Variants in LITAF observed in about 807,000 individuals in gnomAD.
LITAF encodes the protein lipopolysaccharide induced TNF factor.
LITAF carries 9 observed loss-of-function variants against 14.5 expected under a neutral mutation model. That is an observed-to-expected ratio of 0.62 (90% CI 0.37 to 1.08). The LOEUF is 1.08. Ranked by LOEUF, LITAF falls within the 50% of genes least tolerant of loss-of-function variation. LITAF has a pLI of 0.01. For missense variants in LITAF, 206 were observed against 213.4 expected (o/e 0.97, Z 0.22); for synonymous variants, 98 against 88.2 (o/e 1.11, Z -0.62).
chr16:11,617,110 C>G (rs1848970530), intron 3 of LITAF, among the ~76,000 whole-genome samples: 1 of 151,954 alleles, frequency 6.6e-6, no homozygotes, highest in Non-Finnish European at 1.5e-5. Flanking sequence ...GTCCCAGCTA[C>G]TTGAGAGGCT....
chr16:11,551,794 T>C, intron 3 of LITAF: 2 of 661,412 alleles, frequency 3.0e-6, no homozygotes, highest in African/African-American at 1.8e-5. Context: ...ATCGTACCAC[T>C]GCACTCCTGC....
chr16:11,632,157 G>A lies in LITAF; in HGVS notation c.85+1376C>T, dbSNP rs2065121243. Among the ~76,000 whole-genome samples the A allele has an allele frequency of 6.6e-6, 1 of 152,112 alleles. No individual in the cohort carries two copies. Among genetic ancestry groups the A allele is most frequent in the Non-Finnish European group, 1.5e-5 (1 of 68,008 alleles). Reference sequence around the variant, plus strand: ...GCTGGGATTACAGGCGTGAGCCACTGCGCCCGGCCTCGCAAAGAACCTATT... The same window carrying A: ...GCTGGGATTACAGGCGTGAGCCACTACGCCCGGCCTCGCAAAGAACCTATT... On this transcript the variant is annotated intron_variant, in intron 3 of 3. Transcript: ENST00000574848. The surrounding 1 kb of genome is among the most constrained non-coding windows in gnomAD (Gnocchi z 4.8).
At chr16:11,611,376 A>G (rs2064981360) in intron 3 of LITAF, among the ~76,000 whole-genome samples, 1 of 152,176 alleles carries the variant, frequency 6.6e-6, no homozygotes, top group Admixed American at 6.6e-5. Context: ...AGTTAAACTC[A>G]AATGTCAGAG....
At chr16:11,567,177 T>C (rs1214029054) in intron 1 of LITAF, among the ~76,000 whole-genome samples, 34 of 151,620 alleles carry the variant, frequency 2.2e-4, no homozygotes, top group Admixed American at 2.2e-3. Flanking sequence ...CCCAGCACTT[T>C]GGGAGGCCGA....
intron 1 of LITAF, among the ~76,000 whole-genome samples, chr16:11,577,799 A>C (rs2064665586): frequency 6.6e-6 from 1 of 152,048 alleles, no homozygotes; most frequent in African/African-American, 2.4e-5. Context: ...ATCATAGCTT[A>C]CTATGGCCTC....
upstream of LITAF, among the ~76,000 whole-genome samples, chr16:11,590,014 G>A (rs1354073233): frequency 1.8e-5 from 2 of 114,110 alleles, no homozygotes; most frequent in East Asian, 5.9e-4. Flanking sequence ...GATAGAAGCT[G>A]GGTATGGTGG....
chr16:11,602,097 T>A (rs896002290), upstream of LITAF, among the ~76,000 whole-genome samples: 3 of 152,214 alleles, frequency 2.0e-5, no homozygotes, highest in Non-Finnish European at 2.9e-5. Context: ...CAGTGGCTCA[T>A]GCCTGTCATC....
At chr16:11,587,548 TG>T (rs1479207297), upstream of LITAF, 1 of 417,770 alleles carries the variant, frequency 2.4e-6, no homozygotes, top group African/African-American at 2.0e-5. Flanking sequence ...ACTGGGAAGA[TG>T]GTAAAGTTTT....
At chr16:11,606,293 C>T (rs1023089259) in intron 3 of LITAF, among the ~76,000 whole-genome samples, 1 of 151,934 alleles carries the variant, frequency 6.6e-6, no homozygotes, top group African/African-American at 2.4e-5. Context: ...CTCAGCCTCC[C>T]GAGTAGCTGG....
At chr16:11,627,213 A>G (rs2065089338) in intron 3 of LITAF, among the ~76,000 whole-genome samples, 2 of 152,232 alleles carry the variant, frequency 1.3e-5, no homozygotes, top group African/African-American at 4.8e-5. Context: ...CAAGCCAATG[A>G]CAATCAACCC....
At chr16:11,552,503 G>A (rs781265787) in intron 3 of LITAF, among the ~76,000 whole-genome samples, 9 of 152,108 alleles carry the variant, frequency 5.9e-5, no homozygotes, top group African/African-American at 9.7e-5. Flanking sequence ...CCTCGGGCTC[G>A]AGCAAAACAT....
chr16:11,621,777 A>G (rs1484661611), intron 3 of LITAF, among the ~76,000 whole-genome samples: 2 of 151,934 alleles, frequency 1.3e-5, no homozygotes, highest in Non-Finnish European at 2.9e-5. Context: ...TCTCTTCCCA[A>G]CTGCTTGTGC....
chr16:11,616,234 G>C (rs1315151180), intron 3 of LITAF, among the ~76,000 whole-genome samples: 1 of 152,150 alleles, frequency 6.6e-6, no homozygotes, highest in African/African-American at 2.4e-5. Flanking sequence ...AATGTTTTGG[G>C]AGGCTGAAGC....
At chr16:11,621,906 T>C (rs1019681942) in intron 3 of LITAF, among the ~76,000 whole-genome samples, 17 of 152,208 alleles carry the variant, frequency 1.1e-4, no homozygotes, top group African/African-American at 4.1e-4. Context: ...TGCAGCCCAT[T>C]TCTTCTGGGT....
At chr16:11,637,801 G>C (rs4289013), upstream of LITAF, among the ~76,000 whole-genome samples, 1 of 148,124 alleles carries the variant, frequency 6.8e-6, no homozygotes, top group African/African-American at 2.5e-5. Flanking sequence ...GCATCACTTG[G>C]CCCTAGGAGT....
Position 11,634,894 on chromosome 16 carries a change from C to T in LITAF, c.-21+931G>A, listed in dbSNP as rs775616567. The stretch of plus-strand genomic sequence containing the variant: ...ACTAAAAATGCAAAAACTAGCTGGG[C>T]GTGTTGGTGGGCACCTATAATCCCA... On this transcript the variant is annotated intron_variant, in intron 2 of 3. Transcript: ENST00000574848. This position sits in a 1 kb window ranked among gnomAD's most constrained non-coding sequence, Gnocchi z 4.1. Among the ~76,000 whole-genome samples the T allele has an allele frequency of 3.9e-5, 6 of 151,946 alleles. No homozygotes were observed. Among genetic ancestry groups the T allele is most frequent in the African/African-American group, 7.3e-5 (3 of 41,376 alleles).
intron 1 of LITAF, among the ~76,000 whole-genome samples, chr16:11,582,758 T>A (rs1168632073): frequency 6.6e-6 from 1 of 152,216 alleles, no homozygotes; most frequent in Non-Finnish European, 1.5e-5. Flanking sequence ...AGGTCTGGTC[T>A]TTTAGGGTCT....
intron 1 of LITAF, among the ~76,000 whole-genome samples, chr16:11,585,744 C>G (rs2064795954): frequency 6.6e-6 from 1 of 152,186 alleles, no homozygotes; most frequent in African/African-American, 2.4e-5. Flanking sequence ...TTCAGACAGT[C>G]TTTGAACCAG....
At chr16:11,587,696 A>T (rs1331666291), upstream of LITAF, 2 of 211,696 alleles carry the variant, frequency 9.4e-6, no homozygotes, top group African/African-American at 4.7e-5. Context: ...CCCATTTCAC[A>T]TCCGCCCCTA....
Sources: allele counts gnomAD v4.1 joint callset (sites outside exome capture counted in the v4.1 genomes callset), GRCh38; gene constraint gnomAD v4.1.1; non-coding constraint Gnocchi (gnomAD v3.1); transcripts MANE v1.5; gene names NCBI Gene and HGNC (gene_info 2026-07-23, HGNC 2026-07-21).